Variants in ENPEP observed in about 807,000 individuals in gnomAD.
The protein encoded by ENPEP is AP-A.
A neutral mutation model predicts 114.5 loss-of-function variants in ENPEP; 103 were observed. The observed-to-expected ratio is 0.90, with a 90% CI of 0.77 to 1.06. The LOEUF (loss-of-function observed/expected upper bound fraction) is 1.06. Among genes scored for constraint, ENPEP ranks in the 50% least tolerant of loss-of-function variants. ENPEP has a pLI of 0.00. For missense variants in ENPEP, 1,196 were observed against 1,161.3 expected (o/e 1.03, Z -0.43); for synonymous variants, 420 against 422.0 (o/e 1.00, Z 0.06).
At position 110,549,843 on chromosome 4, in the gene ENPEP, C is replaced by T. The variant is rs1214433051; in HGVS notation, c.2458C>T (p.Leu820=). ...TSLAQEKEKL[L]YGLASVKNVT... ...ATTAGCTCAAGAAAAAGAAAAACTG[C>T]TGTATGGATTAGCATCAGTGAAGAA... Residue 820 remains leucine (L), a synonymous_variant, in exon 17 of 20, where the codon CTG becomes TTG. Coordinates refer to ENST00000265162, the MANE Select transcript of ENPEP (RefSeq NM_001977.4). 2.5e-5 allele frequency: 41 copies of T among 1,612,926 alleles called. No individual in the cohort carries two copies. Among genetic ancestry groups the T allele is most frequent in the Non-Finnish European group, 3.5e-5 (41 of 1,179,406 alleles).
rs1727685509 is a variant in ENPEP, at chr4:110,561,696, TG to T, written c.*139del. The T allele has an allele frequency of 1.3e-6, 1 of 774,922 alleles. No individual in the cohort carries two copies. The highest frequency in any genetic ancestry group is 1.8e-5 in the African/African-American group (1 of 56,886). The allele number at this position is 774,922 out of a possible 1,614,324, so 48.0% of individuals were successfully genotyped here. On this transcript the variant is annotated 3_prime_UTR_variant, in exon 20 of 20. Transcript: ENST00000265162. Reference sequence around the variant, plus strand: ...TACTAAGCACTGTGTTTATATGTCTTGCAAAGCCTTTAAATTGTTCCTCTTT... The same window carrying T: ...TACTAAGCACTGTGTTTATATGTCTTCAAAGCCTTTAAATTGTTCCTCTTT...
intron 1 of ENPEP, among the ~76,000 whole-genome samples, chr4:110,487,039 G>A (rs1476573802): frequency 5.3e-5 from 8 of 152,230 alleles, no homozygotes; most frequent in Admixed American, 2.6e-4. Context: ...GGCAGAACTG[G>A]TTGAGCCAGA....
intron 18 of ENPEP, among the ~76,000 whole-genome samples, chr4:110,555,205 A>C (rs1412888266): frequency 1.3e-5 from 2 of 151,998 alleles, no homozygotes; most frequent in East Asian, 3.8e-4. Flanking sequence ...CATTATTTCA[A>C]ATGGCCCCAA....
At chr4:110,549,454 A>G in intron 15 of ENPEP, 35 bp downstream of exon 15, 1 of 1,612,526 alleles carries the variant, frequency 6.2e-7, no homozygotes, top group Non-Finnish European at 8.5e-7. Context: ...AAATTCATTT[A>G]ACATTTGTTT....
At chr4:110,523,229 T>C (rs1726071326) in intron 10 of ENPEP, among the ~76,000 whole-genome samples, 2 of 152,068 alleles carry the variant, frequency 1.3e-5, no homozygotes, top group South Asian at 4.2e-4. Flanking sequence ...AAAATTATGA[T>C]CCAAAAATAT....
intron 1 of ENPEP, among the ~76,000 whole-genome samples, chr4:110,481,740 T>G (rs1724318518): frequency 6.6e-6 from 1 of 152,292 alleles, no homozygotes; most frequent in South Asian, 2.1e-4. Context: ...GTATATATAT[T>G]TGTACTTAGG....
intron 18 of ENPEP, among the ~76,000 whole-genome samples, chr4:110,558,252 AT>A (rs1410258015): frequency 7.6e-6 from 1 of 131,698 alleles, no homozygotes; most frequent in African/African-American, 2.9e-5. Flanking sequence ...GAATGGAAAC[AT>A]TTAATATTTA....
intron 18 of ENPEP, 67 bp from the exon 19 acceptor site, chr4:110,559,580 T>C: frequency 1.8e-6 from 2 of 1,120,270 alleles, no homozygotes; most frequent in Non-Finnish European, 2.7e-6. Context: ...AGGAAACATC[T>C]GCATTTAGAG....
At chr4:110,497,443 A>C (rs921231673) in intron 3 of ENPEP, among the ~76,000 whole-genome samples, 1 of 152,172 alleles carries the variant, frequency 6.6e-6, no homozygotes, top group African/African-American at 2.4e-5. Flanking sequence ...CAAAAATATA[A>C]ACAAAATAAT....
At chr4:110,548,436 A>G in intron 14 of ENPEP, 110 bp downstream of exon 14, 1 of 883,698 alleles carries the variant, frequency 1.1e-6, no homozygotes, top group Admixed American at 3.3e-5. Context: ...TTTGCTTGCC[A>G]GGTGGAATCA....
chr4:110,513,310 T>A (rs1475187576), intron 6 of ENPEP, 105 bp from the exon 7 acceptor site: 11 of 1,283,284 alleles, frequency 8.6e-6, no homozygotes, highest in Non-Finnish European at 1.2e-5. Flanking sequence ...GTAACTTAAG[T>A]CATTTATATT....
In ENPEP at chr4:110,510,106, A is replaced by C. The variant is rs973186417; in HGVS notation, c.1195-139A>C. 14 of 726,322 alleles carry C rather than the reference A, an allele frequency of 1.9e-5. No individual in the cohort carries two copies. The African/African-American group carries it at 2.2e-4, about 11-fold the overall frequency. 45.0% of individuals were successfully genotyped at this position (726,322 alleles called of 1,614,324 possible). On this transcript the variant is annotated intron_variant, in intron 5 of 19. Coordinates refer to ENST00000265162, the MANE Select transcript of ENPEP (RefSeq NM_001977.4). ...TTTAAATAATCAGAATAAAGCAGGA[A>C]ATAAATGTTAAGTACAATGCCTGCC...
chr4:110,483,599 G>A (rs2110332676), intron 1 of ENPEP, among the ~76,000 whole-genome samples: 1 of 152,190 alleles, frequency 6.6e-6, no homozygotes, highest in East Asian at 1.9e-4. Context: ...TTCCCTTTTG[G>A]AAACGACTAA....
chr4:110,499,159 A>T (rs561948780), intron 3 of ENPEP, among the ~76,000 whole-genome samples: 1 of 152,336 alleles, frequency 6.6e-6, no homozygotes, highest in African/African-American at 2.4e-5. Flanking sequence ...AATCACATAT[A>T]AGGAAGTACG....
chr4:110,549,227 G>A (rs1043343151), intron 14 of ENPEP, 119 bp from the exon 15 acceptor site: 4 of 805,724 alleles, frequency 5.0e-6, no homozygotes, highest in East Asian at 2.7e-5. Flanking sequence ...AAGGACAAGC[G>A]CAAAGTTCTC....
intron 11 of ENPEP, 116 bp downstream of exon 11, chr4:110,531,393 C>A: frequency 1.3e-6 from 1 of 762,556 alleles, no homozygotes. Flanking sequence ...GCTAAGTGAT[C>A]TCTTAAATAA....
At chr4:110,541,607 T>C (rs767822865) in intron 11 of ENPEP, among the ~76,000 whole-genome samples, 8 of 152,102 alleles carry the variant, frequency 5.3e-5, no homozygotes, top group Non-Finnish European at 1.2e-4. Flanking sequence ...TTGAAATCTT[T>C]CCAGAAAATA....
chr4:110,535,424 T>G (rs528350790), intron 11 of ENPEP, among the ~76,000 whole-genome samples: 10 of 152,324 alleles, frequency 6.6e-5, no homozygotes, highest in African/African-American at 2.4e-4. Context: ...AGGGAAGCAC[T>G]TTCTTCATTT....
At position 110,491,037 on chromosome 4, in the gene ENPEP, A is replaced by C; in HGVS notation, c.791A>C (p.Glu264Ala). Residue 264 changes from glutamate to alanine, a missense_variant, in exon 3 of 20, where the codon GAA becomes GCA. By Grantham distance (107) the Glu-to-Ala change is moderately radical. Coordinates refer to ENST00000265162, the MANE Select transcript of ENPEP (RefSeq NM_001977.4). Reference protein sequence around the residue: ...GALSNMPVAKEESVDDKWTRT... With the variant: ...GALSNMPVAKAESVDDKWTRT... The stretch of plus-strand genomic sequence containing the variant: ...TTTATCTTTTCTTTTCAATAGAAAG[A>C]AGAGTCAGTGGATGATAAATGGACT... 1 of 1,605,630 alleles carries C rather than the reference A, an allele frequency of 6.2e-7. No homozygotes were observed. Among genetic ancestry groups the C allele is most frequent in the Non-Finnish European group, 8.5e-7 (1 of 1,178,074 alleles).
Sources: allele counts gnomAD v4.1 joint callset (sites outside exome capture counted in the v4.1 genomes callset), GRCh38; gene constraint gnomAD v4.1.1; transcripts MANE v1.5; gene names NCBI Gene and HGNC (gene_info 2026-07-23, HGNC 2026-07-21).